The following TSPEAR variants were observed in gnomAD, a reference collection of about 807,000 sequenced individuals.
TSPEAR encodes thrombospondin-type laminin G domain and EAR repeat-containing protein.
TSPEAR carries 69 observed loss-of-function variants against 71.6 expected under a neutral mutation model. The ratio of observed to expected loss-of-function variants is 0.96; its 90% CI spans 0.79 to 1.18. The LOEUF (loss-of-function observed/expected upper bound fraction) is 1.18, where lower values mean the gene tolerates loss of function less well. Among genes scored for constraint, TSPEAR ranks in the 50% most tolerant of loss-of-function variants. The pLI is 0.00. For synonymous variants in TSPEAR, 402 were observed against 387.2 expected (o/e 1.04, Z -0.45); for missense variants, 971 against 894.9 (o/e 1.09, Z -1.09).
Position 44,509,346 on chromosome 21 carries a change from T to C in TSPEAR, c.1607A>G (p.Glu536Gly), listed in dbSNP as rs1555912315. 1.2e-6 allele frequency: 2 copies of C among 1,613,772 alleles called. No homozygotes were observed. The highest frequency in any genetic ancestry group is 1.1e-5 in the South Asian group (1 of 91,038). ...GTTTGCCACAGCGAGGAAGATCCTC[T>C]CCCCGATCTGGAAGACCTCCCAGTC... ...AADWEVFQIG[E>G]RIFLAVANSH... The change falls in exon 10 of 12, where the codon GAG (glutamate) becomes GGG (glycine). Residue 536 changes from glutamate to glycine, a missense_variant. Glu to Gly is a moderately conservative substitution (Grantham distance 98). Coordinates refer to ENST00000323084, the MANE Select transcript of TSPEAR (RefSeq NM_144991.3).
At position 44,559,947 on chromosome 21, in the gene TSPEAR, T is replaced by C. The variant is rs587695629; in HGVS notation, c.303+7838A>G. Reference sequence around the variant, plus strand: ...TGAAGCCTCTGACCTTTGATGAGTATGGCTAAGGGCTCTGTTGGAGGACTA... The same window carrying C: ...TGAAGCCTCTGACCTTTGATGAGTACGGCTAAGGGCTCTGTTGGAGGACTA... On this transcript the variant is annotated intron_variant, in intron 2 of 11. Transcript: ENST00000323084. Among the ~76,000 whole-genome samples the C allele has an allele frequency of 5.3e-5, 8 of 152,296 alleles. 1 individual carries two copies. In the South Asian group the frequency reaches 1.7e-3, roughly 32 times the overall value.
chr21:44,576,420 A>T (rs1371179831), intron 1 of TSPEAR, among the ~76,000 whole-genome samples: 1 of 130,102 alleles, frequency 7.7e-6, no homozygotes, highest in African/African-American at 3.1e-5. Flanking sequence ...TGAGGGGGCA[A>T]ACCTCATGGG....
At chr21:44,704,625 G>A (rs1168905433) in intron 1 of TSPEAR, among the ~76,000 whole-genome samples, 8 of 152,204 alleles carry the variant, frequency 5.3e-5, no homozygotes, top group African/African-American at 7.2e-5. Flanking sequence ...TTCCACGAAG[G>A]CTTGGATTAA....
Position 44,574,456 on chromosome 21 carries a change from G to A in TSPEAR, c.83-6451C>T, listed in dbSNP as rs782672396. 3 of 1,601,082 alleles carry A rather than the reference G, an allele frequency of 1.9e-6. No homozygotes were observed. The South Asian group carries it at 3.3e-5, about 18-fold the overall frequency. On this transcript the variant is annotated intron_variant, in intron 1 of 11. Transcript: ENST00000323084. ...CAGCAGGCCTGCTGCGTGCCCGTCT[G>A]CTGCAAGACTGTCTGCTGCAAGCCT...
intron 2 of TSPEAR, among the ~76,000 whole-genome samples, chr21:44,535,678 T>C (rs587638008): frequency 2.0e-5 from 3 of 152,326 alleles, no homozygotes; most frequent in Admixed American, 2.0e-4. Context: ...GCAATTTTCC[T>C]GACTCAGCCT....
At chr21:44,707,996 G>A (rs1388220482) in intron 1 of TSPEAR, among the ~76,000 whole-genome samples, 1 of 12,554 alleles carries the variant, frequency 8.0e-5, no homozygotes, top group Non-Finnish European at 1.5e-4. Context: ...CCCCCTCCCC[G>A]CCCCGCGCGT....
chr21:44,578,901 G>A (rs1286452434), intron 1 of TSPEAR, among the ~76,000 whole-genome samples: 5 of 152,166 alleles, frequency 3.3e-5, no homozygotes, highest in South Asian at 4.1e-4. Context: ...AAGCCCATGC[G>A]GAACCTGGTG....
intron 3 of TSPEAR, among the ~76,000 whole-genome samples, chr21:44,531,827 C>T (rs782808778): frequency 2.0e-5 from 3 of 152,206 alleles, no homozygotes; most frequent in Admixed American, 6.5e-5. Flanking sequence ...TTGACGAGTG[C>T]GTGGAGGCTG....
chr21:44,613,255 T>C (rs1555931716), intron 1 of TSPEAR, among the ~76,000 whole-genome samples: 1 of 152,202 alleles, frequency 6.6e-6, no homozygotes, highest in African/African-American at 2.4e-5. Flanking sequence ...GAGCTGACAT[T>C]GGTCTCCTCC....
intron 1 of TSPEAR, among the ~76,000 whole-genome samples, chr21:44,572,406 A>C (rs1348029620): frequency 1.3e-5 from 2 of 152,100 alleles, no homozygotes; most frequent in African/African-American, 2.4e-5. Flanking sequence ...AAGCTGGCAA[A>C]GGGCGATGTG....
rs1555916073 is a variant in TSPEAR at position 44,533,922 on chromosome 21, C to T, written c.305G>A (p.Arg102Lys). ...CACCACCGTCAGCAGGTACTCGTTC[C>T]TCTGTGGAGAGCGGGCCAGGCTCAG... ...TLRVPNLPPK[R>K]NEYLLTVVAE... Residue 102 changes from arginine to lysine, a missense_variant and splice_region_variant, in exon 3 of 12, where the codon AGG (arginine) becomes AAG (lysine). Transcript: ENST00000323084. 2 of 1,609,692 alleles carry T rather than the reference C, an allele frequency of 1.2e-6. No homozygotes were observed. The highest frequency in any genetic ancestry group is 1.7e-6 in the Non-Finnish European group (2 of 1,178,422).
intron 6 of TSPEAR, among the ~76,000 whole-genome samples, chr21:44,528,110 C>T (rs1234850707): frequency 1.3e-5 from 2 of 152,152 alleles, no homozygotes; most frequent in African/African-American, 2.4e-5. Context: ...CGATGCCCAG[C>T]CCTGTCAGCC....
chr21:44,529,456 G>A (rs868920752), intron 5 of TSPEAR, among the ~76,000 whole-genome samples: 17 of 152,306 alleles, frequency 1.1e-4, no homozygotes, highest in Middle Eastern at 3.4e-3. Flanking sequence ...TCCTTGGGGG[G>A]CAAAAGGGGA....
chr21:44,524,718 TA>T (rs1290563033), intron 8 of TSPEAR, among the ~76,000 whole-genome samples: 60 of 151,478 alleles, frequency 4.0e-4, no homozygotes, highest in African/African-American at 1.5e-3. Context: ...GGTAGTTAGG[TA>T]ATCAGTCAGT....
chr21:44,639,910 T>G (rs897710960), intron 1 of TSPEAR, among the ~76,000 whole-genome samples: 40 of 152,232 alleles, frequency 2.6e-4, no homozygotes, highest in African/African-American at 9.2e-4. Context: ...ACTCCTACTC[T>G]GGGTCCTCAT....
At chr21:44,533,512 C>CGGCTCCTGCCCCGTGGAT (rs2053017602) in intron 3 of TSPEAR, among the ~76,000 whole-genome samples, 173 bp downstream of exon 3, 1 of 151,708 alleles carries the variant, frequency 6.6e-6, no homozygotes, top group South Asian at 2.1e-4. Context: ...GGCCCCTGGT[C>CGGCTCCTGCCCCGTGGAT]GGCTCCTGCC....
At chr21:44,526,038 C>T in intron 7 of TSPEAR, 199 bp from the exon 8 acceptor site, 1 of 501,690 alleles carries the variant, frequency 2.0e-6, no homozygotes, top group African/African-American at 1.9e-5. Context: ...TCATCAAGAC[C>T]CTTGAAAATG....
At chr21:44,540,118 G>A (rs782024403) in intron 2 of TSPEAR, 35 of 1,613,682 alleles carry the variant, frequency 2.2e-5, no homozygotes, top group Non-Finnish European at 2.5e-5. Context: ...CGGAGCAAGC[G>A]CTGGAGCAGA....
At chr21:44,608,733 A>G (rs996390569) in intron 1 of TSPEAR, among the ~76,000 whole-genome samples, 12 of 152,212 alleles carry the variant, frequency 7.9e-5, no homozygotes. Flanking sequence ...AGACTGATCA[A>G]CCTCATTTTG....
Sources: gnomAD v4.1 joint callset for allele counts (sites outside exome capture counted in the v4.1 genomes callset) on GRCh38, gnomAD v4.1.1 for gene constraint, MANE v1.5 for transcripts, NCBI Gene and HGNC (gene_info 2026-07-23, HGNC 2026-07-21) for gene names.